Variants in DGKB observed in about 807,000 individuals in gnomAD.
The protein encoded by DGKB is diacylglycerol kinase beta, also known as 90 kDa diacylglycerol kinase.
A neutral mutation model predicts 114.3 loss-of-function variants in DGKB; 67 were observed. The observed-to-expected ratio is 0.59, with a 90% CI of 0.48 to 0.72. The LOEUF (loss-of-function observed/expected upper bound fraction) is 0.72, where lower values mean the gene tolerates loss of function less well. DGKB is among the 30% of genes least tolerant of loss of function. DGKB has a pLI of 0.00. For missense variants in DGKB, 907 were observed against 975.2 expected, an observed-to-expected ratio of 0.93 and a Z score of 0.93; for synonymous variants, 398 against 323.1, an observed-to-expected ratio of 1.23 and a Z score of -2.49.
chr7:14,713,389 A>G (rs1397705115), intron 6 of DGKB, among the ~76,000 whole-genome samples: 3 of 151,194 alleles, frequency 2.0e-5, no homozygotes, highest in Non-Finnish European at 2.9e-5. Context: ...CCACTCTTGT[A>G]TATTTTGATA....
intron 23 of DGKB, among the ~76,000 whole-genome samples, chr7:14,313,416 G>A (rs922398122): frequency 4.6e-5 from 7 of 151,970 alleles, no homozygotes; most frequent in African/African-American, 7.3e-5. Flanking sequence ...GTGGGTGTGC[G>A]CACAGTGCGC....
chr7:14,520,369 C>T (rs963789857), intron 20 of DGKB, among the ~76,000 whole-genome samples: 3 of 151,336 alleles, frequency 2.0e-5, no homozygotes, highest in Non-Finnish European at 4.4e-5. Context: ...CTTCCTTCTG[C>T]TTTAGATTTA....
intron 21 of DGKB, among the ~76,000 whole-genome samples, chr7:14,432,194 ACTG>A (rs1202773275): frequency 6.6e-6 from 1 of 152,178 alleles, no homozygotes; most frequent in Non-Finnish European, 1.5e-5. Context: ...AGAAGTTGCT[ACTG>A]TCAAATCAGA....
At chr7:14,710,047 A>G (rs1827089796) in intron 6 of DGKB, among the ~76,000 whole-genome samples, 1 of 152,050 alleles carries the variant, frequency 6.6e-6, no homozygotes, top group South Asian at 2.1e-4. Context: ...AACAAAATGA[A>G]AAACAAACCA....
intron 1 of DGKB, among the ~76,000 whole-genome samples, chr7:14,913,905 G>A (rs1020406037): frequency 6.6e-6 from 1 of 151,976 alleles, no homozygotes. Context: ...CAAAATCGAA[G>A]AGACAAGCAA....
chr7:14,955,529 CAGA>C (rs1333105770), intron 1 of DGKB, among the ~76,000 whole-genome samples: 1 of 152,018 alleles, frequency 6.6e-6, no homozygotes, highest in African/African-American at 2.4e-5. Context: ...AGAGGCATCT[CAGA>C]AGAATGTAGT....
intron 4 of DGKB, among the ~76,000 whole-genome samples, chr7:14,739,800 T>G (rs1418471038): frequency 2.0e-5 from 3 of 152,220 alleles, no homozygotes; most frequent in African/African-American, 7.2e-5. Context: ...GTCTTTGCTA[T>G]GGCATTTTTC....
In DGKB at chr7:14,487,591, T is replaced by C. The variant is rs866441283; in HGVS notation, c.1771-9366A>G. On this transcript the variant is annotated intron_variant, in intron 20 of 25. Coordinates refer to ENST00000402815, the MANE Select transcript of DGKB (RefSeq NM_001350709.2). ...AGTTCTTAAGAAAATTCCTTTTTTTTTTTTTTTTTTGGAGACAGAATCTCT... is the reference window on the plus strand; with the variant it reads ...AGTTCTTAAGAAAATTCCTTTTTTTCTTTTTTTTTTGGAGACAGAATCTCT... Among the ~76,000 whole-genome samples, 7 of 150,504 alleles carry C rather than the reference T, an allele frequency of 4.7e-5. No homozygotes were observed. In the South Asian group the frequency reaches 8.5e-4, roughly 18 times the overall value.
At chr7:14,189,034 G>A (rs905472365) in intron 23 of DGKB, among the ~76,000 whole-genome samples, 37 of 152,178 alleles carry the variant, frequency 2.4e-4, no homozygotes, top group African/African-American at 8.2e-4. Flanking sequence ...AGAAACACTT[G>A]AGAGTGCTAC....
At chr7:14,887,702 T>G (rs1321338615) in intron 1 of DGKB, among the ~76,000 whole-genome samples, 2 of 151,836 alleles carry the variant, frequency 1.3e-5, no homozygotes, top group African/African-American at 2.4e-5. Context: ...TCTCCATCAC[T>G]CTTGTTCCTC....
At chr7:14,962,567 G>A (rs541862465) in intron 1 of DGKB, among the ~76,000 whole-genome samples, 1 of 151,750 alleles carries the variant, frequency 6.6e-6, no homozygotes, top group Non-Finnish European at 1.5e-5. Context: ...ATCTACCTGT[G>A]CTTTCACATA....
intron 25 of DGKB, among the ~76,000 whole-genome samples, chr7:14,153,462 C>T (rs1205173264): frequency 1.3e-5 from 2 of 152,004 alleles, no homozygotes; most frequent in African/African-American, 2.4e-5. Context: ...TAGCTGTCAA[C>T]ACCCTTATTT....
rs114949321 is a variant in DGKB at position 14,403,264 on chromosome 7, A to C, written c.1836-57873T>G. 1.7e-3 allele frequency among the ~76,000 whole-genome samples: 259 copies of C among 151,978 alleles called. 1 individual carries two copies. The highest frequency in any genetic ancestry group is 6.0e-3 in the African/African-American group (249 of 41,506). ...GAACAGGATGTTCTCTCTGTATCAG[A>C]ATCAGTTTCTGCTCCTAGACAGCAG... On this transcript the variant is annotated intron_variant, in intron 21 of 25. Transcript: ENST00000402815.
chr7:14,553,519 A>G (rs1795409672), intron 20 of DGKB, among the ~76,000 whole-genome samples: 1 of 152,246 alleles, frequency 6.6e-6, no homozygotes, highest in Non-Finnish European at 1.5e-5. Context: ...AGCTATAGTT[A>G]TATCTATCCA....
At chr7:14,437,964 C>A (rs759791747) in intron 21 of DGKB, among the ~76,000 whole-genome samples, 12 of 151,618 alleles carry the variant, frequency 7.9e-5, no homozygotes, top group Non-Finnish European at 1.6e-4. Flanking sequence ...TACAAAAATT[C>A]TTTCATTGCT....
chr7:14,962,632 G>GTT (rs1554354942), intron 1 of DGKB, among the ~76,000 whole-genome samples: 11 of 136,092 alleles, frequency 8.1e-5, no homozygotes, highest in Admixed American at 5.1e-4. Flanking sequence ...GTGTGTGTGT[G>GTT]TGTTTGTGTG....
chr7:14,957,085 T>C (rs189452880), intron 1 of DGKB, among the ~76,000 whole-genome samples: 4 of 152,104 alleles, frequency 2.6e-5, no homozygotes, highest in African/African-American at 7.2e-5. Context: ...AGTTTCATGG[T>C]TGAAAATTTT....
Position 14,148,455 on chromosome 7 carries a change from A to T in DGKB, c.*676T>A, listed in dbSNP as rs1781720386. The T allele has an allele frequency of 1.3e-5, 2 of 152,688 alleles. No homozygotes were observed. The highest frequency in any genetic ancestry group is 6.6e-5 in the Admixed American group (1 of 15,262). 9.5% of individuals were successfully genotyped at this position (152,688 alleles called of 1,614,324 possible). ...TATTACCACACTTGACTGTCAAGTA[A>T]CATGTTTTCACTTATTTCTGGAATT... On this transcript the variant is annotated 3_prime_UTR_variant, in exon 26 of 26. Coordinates refer to ENST00000402815, the MANE Select transcript of DGKB (RefSeq NM_001350709.2).
chr7:14,727,611 A>G (rs1830212110), intron 5 of DGKB, among the ~76,000 whole-genome samples: 1 of 152,144 alleles, frequency 6.6e-6, no homozygotes, highest in South Asian at 2.1e-4. Context: ...TAATAAGTAT[A>G]TCGACATTAA....
Sources: allele counts gnomAD v4.1 joint callset (sites outside exome capture counted in the v4.1 genomes callset), GRCh38; gene constraint gnomAD v4.1.1; transcripts MANE v1.5; gene names NCBI Gene and HGNC (gene_info 2026-07-23, HGNC 2026-07-21).